MEF2A: variants seen among roughly 807,000 people sequenced by gnomAD.
MEF2A encodes the protein myocyte-specific enhancer factor 2A.
MEF2A carries 28 observed loss-of-function variants against 55.8 expected under a neutral mutation model. That is an observed-to-expected ratio of 0.50 (90% confidence interval 0.37 to 0.69). MEF2A has a LOEUF of 0.69. MEF2A is among the 30% of genes least tolerant of loss of function. MEF2A has a pLI of 0.00. For synonymous variants in MEF2A, 239 were observed against 227.1 expected (o/e 1.05, Z -0.47); for missense variants, 528 against 626.2 (o/e 0.84, Z 1.67).
chr15:99,654,583 G>GT (rs1045070767), intron 4 of MEF2A, among the ~76,000 whole-genome samples: 2 of 151,184 alleles, frequency 1.3e-5, no homozygotes, highest in Admixed American at 6.6e-5. Context: ...AAAAAAAAAG[G>GT]GGGGGGTATT....
At chr15:99,658,119 C>G (rs975361968) in intron 4 of MEF2A, among the ~76,000 whole-genome samples, 1 of 152,046 alleles carries the variant, frequency 6.6e-6, no homozygotes, top group Non-Finnish European at 1.5e-5. Flanking sequence ...GAAAATAGCT[C>G]TTATATATTT....
chr15:99,603,543 TTGTGTGTGTGTGTGTG>T (rs1300288383), intron 2 of MEF2A, among the ~76,000 whole-genome samples: 3 of 126,422 alleles, frequency 2.4e-5, no homozygotes, highest in African/African-American at 8.8e-5. Flanking sequence ...CTGGCTGATT[TTGTGTGTGTGTGTGTG>T]TGTGTGTGTG....
chr15:99,688,113 A>G (rs1297931258), intron 7 of MEF2A, among the ~76,000 whole-genome samples: 1 of 152,144 alleles, frequency 6.6e-6, no homozygotes, highest in Non-Finnish European at 1.5e-5. Context: ...TTTGTGATTT[A>G]CTTTGAAATT....
intron 5 of MEF2A, among the ~76,000 whole-genome samples, chr15:99,673,247 G>A (rs2051231643): frequency 6.6e-6 from 1 of 152,134 alleles, no homozygotes; most frequent in African/African-American, 2.4e-5. Context: ...GCCTTAAGGA[G>A]TTACTTTTGG....
At position 99,655,315 on chromosome 15, in the gene MEF2A, A is replaced by T. The variant is rs185205509; in HGVS notation, c.258+9551A>T. ...GGTGCTGGAAAACCTGGATATCCAT[A>T]TAGAAAAAAAATAAGCCTCAGTATT... is the stretch of plus-strand genomic sequence containing the variant. On this transcript the variant is annotated intron_variant, in intron 4 of 11. Transcript: ENST00000557942. Among the ~76,000 whole-genome samples the T allele has an allele frequency of 1.6e-4, 24 of 152,300 alleles. 1 individual carries two copies. In the South Asian group the frequency reaches 3.3e-3, roughly 21 times the overall value.
In MEF2A at chr15:99,716,260, A is replaced by C. The variant is rs1331412235; in HGVS notation, c.*3489A>C. On this transcript the variant is annotated 3_prime_UTR_variant, in exon 12 of 12. Coordinates refer to ENST00000557942, the MANE Select transcript of MEF2A (RefSeq NM_001319206.4). ...ACAAGAAGCTGTACACGGTTTGATC[A>C]TGTAAAACCGTTTGGCGGCACAAGC... 2.7e-5 allele frequency: 9 copies of C among 339,234 alleles called. No individual in the cohort carries two copies. Among genetic ancestry groups the C allele is most frequent in the South Asian group, 2.1e-4 (9 of 42,672 alleles). 21.0% of individuals were successfully genotyped at this position (339,234 alleles called of 1,614,324 possible). A position where few individuals can be genotyped will look rare whatever the true frequency, so the allele number is the denominator to read the frequency against.
At chr15:99,623,443 C>T (rs1343796063) in intron 2 of MEF2A, among the ~76,000 whole-genome samples, 2 of 152,088 alleles carry the variant, frequency 1.3e-5, no homozygotes, top group African/African-American at 4.8e-5. Flanking sequence ...GATCAGATGG[C>T]AATTCTATAT....
chr15:99,655,062 A>G (rs1355312312), intron 4 of MEF2A, among the ~76,000 whole-genome samples: 1 of 152,166 alleles, frequency 6.6e-6, no homozygotes, highest in East Asian at 1.9e-4. Flanking sequence ...ACACAGTGGT[A>G]GAGAAAGGAT....
rs570109704 is a variant in MEF2A at position 99,645,520 on chromosome 15, A to G, written c.55-41A>G. 9.8e-6 allele frequency: 14 copies of G among 1,426,934 alleles called. No homozygotes were observed. The East Asian group carries it at 1.6e-4, about 16-fold the overall frequency. The allele number at this position is 1,426,934 out of a possible 1,614,324, so 88.4% of individuals were successfully genotyped here. ...TTCAGATAGCCCATATTCAAGTACT[A>G]CTAATGCTTTTAATAAAAATATACC... is the stretch of plus-strand genomic sequence containing the variant. On this transcript the variant is annotated intron_variant, in intron 3 of 11. Coordinates refer to ENST00000557942, the MANE Select transcript of MEF2A (RefSeq NM_001319206.4).
chr15:99,673,097 T>C (rs1200389169), intron 5 of MEF2A, among the ~76,000 whole-genome samples: 1 of 152,198 alleles, frequency 6.6e-6, no homozygotes, highest in East Asian at 1.9e-4. Context: ...CTGAATAAAC[T>C]GTGTATTGTA....
At chr15:99,703,051 G>A (rs1205335192) in intron 8 of MEF2A, among the ~76,000 whole-genome samples, 1 of 152,170 alleles carries the variant, frequency 6.6e-6, no homozygotes. Context: ...AGCATGATGA[G>A]GAACCCCTTT....
intron 3 of MEF2A, among the ~76,000 whole-genome samples, chr15:99,633,814 C>T (rs2043306380): frequency 1.3e-5 from 2 of 151,976 alleles, no homozygotes; most frequent in Non-Finnish European, 2.9e-5. Flanking sequence ...AACTATGGTC[C>T]ATGGGCTGGC....
intron 2 of MEF2A, among the ~76,000 whole-genome samples, chr15:99,611,727 C>T (rs2039290613): frequency 6.6e-6 from 1 of 152,160 alleles, no homozygotes; most frequent in Admixed American, 6.5e-5. Flanking sequence ...CACCGTTATT[C>T]ATAGCAGCAT....
At chr15:99,688,670 T>C (rs888629962) in intron 7 of MEF2A, among the ~76,000 whole-genome samples, 1 of 152,072 alleles carries the variant, frequency 6.6e-6, no homozygotes, top group African/African-American at 2.4e-5. Context: ...GGCAGGAGAA[T>C]GGCGTGAACC....
intron 1 of MEF2A, among the ~76,000 whole-genome samples, chr15:99,593,291 C>G (rs1245813557): frequency 6.6e-6 from 1 of 152,182 alleles, no homozygotes; most frequent in Non-Finnish European, 1.5e-5. Context: ...CACTGTCGTC[C>G]TGACTGTGCA....
At chr15:99,680,807 C>G (rs1435703961) in intron 7 of MEF2A, among the ~76,000 whole-genome samples, 1 of 152,102 alleles carries the variant, frequency 6.6e-6, no homozygotes, top group Non-Finnish European at 1.5e-5. Flanking sequence ...CACTCTTTTT[C>G]TAGTTTCAGT....
intron 4 of MEF2A, among the ~76,000 whole-genome samples, chr15:99,648,582 A>AT (rs2153499859): frequency 6.6e-6 from 1 of 152,250 alleles, no homozygotes; most frequent in South Asian, 2.1e-4. Context: ...GTAAGCAATA[A>AT]TGACACAAAC....
chr15:99,599,904 T>C (rs536698478), intron 2 of MEF2A, among the ~76,000 whole-genome samples: 8 of 152,174 alleles, frequency 5.3e-5, no homozygotes, highest in Non-Finnish European at 1.0e-4. Context: ...TTGCATTAGA[T>C]ATTATAAATA....
chr15:99,708,520 TCA>T (rs2058282471), intron 10 of MEF2A, among the ~76,000 whole-genome samples: 1 of 152,250 alleles, frequency 6.6e-6, no homozygotes, highest in African/African-American at 2.4e-5. Context: ...TCGCTTAGCG[TCA>T]GTCTCATGCC....
Sources: allele counts gnomAD v4.1 joint callset (sites outside exome capture counted in the v4.1 genomes callset), GRCh38; gene constraint gnomAD v4.1.1; transcripts MANE v1.5; gene names NCBI Gene and HGNC (gene_info 2026-07-23, HGNC 2026-07-21).